Variants in ENTREP2 observed in about 807,000 individuals in gnomAD.
ENTREP2 encodes endosomal transmembrane epsin interactor 2, also known as protein ENTREP2.
chr15:29,347,868 G>A, the ENTREP2 span, among the ~76,000 whole-genome samples: 5,177 of 152,286 alleles, frequency 0.034, 110 homozygotes, highest in Middle Eastern at 0.068. Flanking sequence ...GCGAGGCAGA[G>A]GTCAATTCAG....
chr15:29,250,531 CTGAGAT>C, the ENTREP2 span, among the ~76,000 whole-genome samples: 28 of 152,256 alleles, frequency 1.8e-4, 1 homozygote, highest in Middle Eastern at 3.4e-3. Context: ...GGAAAACGGT[CTGAGAT>C]TAAGACCAGG....
the ENTREP2 span, among the ~76,000 whole-genome samples, chr15:29,344,300 G>A: frequency 6.6e-6 from 1 of 152,176 alleles, no homozygotes; most frequent in South Asian, 2.1e-4. Flanking sequence ...AAATCTAAAT[G>A]TTTAATAAAA....
the ENTREP2 span, among the ~76,000 whole-genome samples, chr15:29,472,198 T>TC: frequency 6.6e-6 from 1 of 152,046 alleles, no homozygotes; most frequent in Admixed American, 6.5e-5. Context: ...TTACCTTGTC[T>TC]CCAACTCTGG....
the ENTREP2 span, among the ~76,000 whole-genome samples, chr15:29,624,470 C>A: frequency 6.6e-6 from 1 of 152,106 alleles, no homozygotes; most frequent in Non-Finnish European, 1.5e-5. Flanking sequence ...CAATATGTCT[C>A]CATCTGATCA....
the ENTREP2 span, among the ~76,000 whole-genome samples, chr15:29,330,432 GA>G: frequency 6.6e-6 from 1 of 152,090 alleles, no homozygotes; most frequent in Non-Finnish European, 1.5e-5. Context: ...CTGGGCGACA[GA>G]GCGAGACTCT....
the ENTREP2 span, among the ~76,000 whole-genome samples, chr15:29,656,022 TAAAAAA>T: frequency 2.1e-4 from 21 of 100,394 alleles, no homozygotes; most frequent in African/African-American, 6.6e-4. Context: ...ACACTCCGTT[TAAAAAA>T]AAAAAAAAAA....
At chr15:29,544,298 A>T in the ENTREP2 span, among the ~76,000 whole-genome samples, 1 of 152,178 alleles carries the variant, frequency 6.6e-6, no homozygotes, top group African/African-American at 2.4e-5. Context: ...GTTAGTAGTC[A>T]GATTGATAGA....
At chr15:29,325,563 G>A in the ENTREP2 span, among the ~76,000 whole-genome samples, 10 of 152,180 alleles carry the variant, frequency 6.6e-5, no homozygotes, top group East Asian at 1.9e-4. Context: ...GAACTAGATC[G>A]TCTGAACAGG....
At chr15:29,508,665 A>G in the ENTREP2 span, among the ~76,000 whole-genome samples, 1 of 152,244 alleles carries the variant, frequency 6.6e-6, no homozygotes, top group Non-Finnish European at 1.5e-5. Flanking sequence ...GATTATCTCA[A>G]TAGATGCAGA....
chr15:29,358,793 C>G, the ENTREP2 span, among the ~76,000 whole-genome samples: 12 of 150,522 alleles, frequency 8.0e-5, no homozygotes, highest in Non-Finnish European at 1.3e-4. Flanking sequence ...CGTGTAAAAA[C>G]AAGAAGATAA....
At chr15:29,385,955 C>T in the ENTREP2 span, among the ~76,000 whole-genome samples, 2 of 151,588 alleles carry the variant, frequency 1.3e-5, no homozygotes, top group Non-Finnish European at 2.9e-5. Context: ...AGGCCACTGA[C>T]GGCGGGATGA....
At chr15:29,136,407 G>C in the ENTREP2 span, 84 of 1,533,930 alleles carry the variant, frequency 5.5e-5, no homozygotes, top group South Asian at 2.3e-4. Flanking sequence ...TCGTACGGAG[G>C]GGGGAGCTCA....
chr15:29,386,988 A>C, the ENTREP2 span, among the ~76,000 whole-genome samples: 6 of 152,234 alleles, frequency 3.9e-5, no homozygotes, highest in East Asian at 1.9e-4. Context: ...AATACCCTTT[A>C]TTTCTTTCTC....
At chr15:29,259,744 A>C in the ENTREP2 span, among the ~76,000 whole-genome samples, 1 of 152,062 alleles carries the variant, frequency 6.6e-6, no homozygotes, top group East Asian at 1.9e-4. Flanking sequence ...CAGGAGGCCA[A>C]GGCAGGCAGA....
At chr15:29,290,496 A>G in the ENTREP2 span, among the ~76,000 whole-genome samples, 115 of 152,326 alleles carry the variant, frequency 7.5e-4, no homozygotes, top group African/African-American at 2.6e-3. Flanking sequence ...TGCATCTGGT[A>G]TATGATTTAT....
chr15:29,274,365 T>C, the ENTREP2 span, among the ~76,000 whole-genome samples: 1 of 152,222 alleles, frequency 6.6e-6, no homozygotes, highest in African/African-American at 2.4e-5. Context: ...AGGTGTGAGA[T>C]CTGAACACAG....
At chr15:29,141,780 A>T in the ENTREP2 span, among the ~76,000 whole-genome samples, 1 of 152,180 alleles carries the variant, frequency 6.6e-6, no homozygotes, top group African/African-American at 2.4e-5. Context: ...TGCTGAATCA[A>T]CTTCCTCCTG....
At chr15:29,671,742 A>G in the ENTREP2 span, among the ~76,000 whole-genome samples, 1 of 152,074 alleles carries the variant, frequency 6.6e-6, no homozygotes, top group Non-Finnish European at 1.5e-5. Context: ...TGAGCCACTC[A>G]TTTCCCCTGA....
chr15:29,497,961 A>T, the ENTREP2 span, among the ~76,000 whole-genome samples: 3 of 152,082 alleles, frequency 2.0e-5, no homozygotes, highest in Non-Finnish European at 4.4e-5. Context: ...CTATGATAAG[A>T]TTTGGCTCTG....
Sources: gnomAD v4.1 joint callset for allele counts (sites outside exome capture counted in the v4.1 genomes callset) on GRCh38, gnomAD v4.1.1 for gene constraint, MANE v1.5 for transcripts, NCBI Gene and HGNC (gene_info 2026-07-23, HGNC 2026-07-21) for gene names.